PABIR2: variants seen among roughly 807,000 people sequenced by gnomAD.
The protein encoded by PABIR2 is family with sequence similarity 122B.
In PABIR2, 7 loss-of-function variants were observed where a neutral mutation model predicts 22.8. That is an observed-to-expected ratio of 0.31 (90% CI 0.17 to 0.58). PABIR2 has a LOEUF of 0.58. PABIR2 is among the 20% of genes least tolerant of loss of function. The probability of loss-of-function intolerance (pLI) is 0.89; values close to 1 mark genes in which losing one functional copy is unlikely to be tolerated. For synonymous variants in PABIR2, 67 were observed against 73.8 expected, an observed-to-expected ratio of 0.91 and a Z score of 0.47; for missense variants, 155 against 205.1, an observed-to-expected ratio of 0.76 and a Z score of 1.49.
Position 134,790,723 on chromosome X carries a change from G to A in PABIR2, c.178-1087C>T, listed in dbSNP as rs762834609. The stretch of plus-strand genomic sequence containing the variant: ...CCCAGCGAATTTTTACAACCATTAA[G>A]GGAGACTGGAGTATAAGATAAATGT... On this transcript the variant is annotated intron_variant, in intron 2 of 9. Coordinates refer to ENST00000343004, the MANE Select transcript of PABIR2 (RefSeq NM_001387468.1). Among the ~76,000 whole-genome samples, 3 of 111,662 alleles carry A rather than the reference G, an allele frequency of 2.7e-5. No individual in the cohort carries two copies. In the South Asian group the frequency reaches 1.1e-3, roughly 42 times the overall value.
intron 1 of PABIR2, among the ~76,000 whole-genome samples, 160 bp downstream of exon 1, chrX:134,795,948 C>A (rs1359242928): frequency 9.0e-6 from 1 of 111,613 alleles, no homozygotes; most frequent in Non-Finnish European, 1.9e-5. Context: ...AACTTTCACT[C>A]CACCTTGGGA....
intron 1 of PABIR2, chrX:134,794,095 A>G (rs2079629488): frequency 1.5e-6 from 1 of 679,500 alleles, no homozygotes; most frequent in African/African-American, 2.4e-5. Flanking sequence ...ATGGGTTTGC[A>G]GAGATACTGA....
intron 9 of PABIR2, 98 bp from the exon 10 acceptor site, chrX:134,772,381 A>G: frequency 1.2e-6 from 1 of 839,117 alleles, no homozygotes; most frequent in Non-Finnish European, 1.6e-6. Context: ...TCAGTAAATC[A>G]CTTGTAAATA....
At chrX:134,786,749 G>A (rs1390973052) in intron 7 of PABIR2, among the ~76,000 whole-genome samples, 2 of 110,749 alleles carry the variant, frequency 1.8e-5, no homozygotes, top group Non-Finnish European at 3.8e-5. Flanking sequence ...TCAAGAGATT[G>A]AGACCATCCT....
chrX:134,770,999 A>G lies in PABIR2; in HGVS notation c.*1140T>C. 1 of 221,592 alleles carries G rather than the reference A, an allele frequency of 4.5e-6. No individual in the cohort carries two copies. Among genetic ancestry groups the G allele is most frequent in the Non-Finnish European group, 8.1e-6 (1 of 122,896 alleles). 18.3% of individuals were successfully genotyped at this position (221,592 alleles called of 1,213,427 possible). A position where few individuals can be genotyped will look rare whatever the true frequency, so the allele number is the denominator to read the frequency against. Reference sequence around the variant, plus strand: ...GCAACACAATAACTATAAGGCAGTAAGAACAAGAACTGGATTCTGATTCTG... The same window carrying G: ...GCAACACAATAACTATAAGGCAGTAGGAACAAGAACTGGATTCTGATTCTG... On this transcript the variant is annotated 3_prime_UTR_variant, in exon 10 of 10. Transcript: ENST00000343004.
chrX:134,777,877 TTTGG>T (rs1168144858), intron 9 of PABIR2, among the ~76,000 whole-genome samples: 1 of 104,963 alleles, frequency 9.5e-6, no homozygotes, highest in East Asian at 3.0e-4. Flanking sequence ...TTTTTGTTTG[TTTGG>T]TTGGTTTTTT....
At chrX:134,773,807 T>C (rs764453781) in intron 9 of PABIR2, among the ~76,000 whole-genome samples, 3 of 111,865 alleles carry the variant, frequency 2.7e-5, no homozygotes, top group Admixed American at 9.5e-5. Flanking sequence ...AGTCGAAATG[T>C]TAGGAGTCTT....
At chrX:134,787,282 T>C (rs1417381589) in intron 7 of PABIR2, among the ~76,000 whole-genome samples, 190 bp downstream of exon 7, 1 of 109,323 alleles carries the variant, frequency 9.1e-6, no homozygotes, top group Non-Finnish European at 1.9e-5. Flanking sequence ...CTATTTTTAG[T>C]AGAGACGAGG....
At chrX:134,772,560 C>T (rs1179213576) in intron 9 of PABIR2, among the ~76,000 whole-genome samples, 1 of 111,186 alleles carries the variant, frequency 9.0e-6, no homozygotes, top group Non-Finnish European at 1.9e-5. Context: ...CCATGGTTTT[C>T]GGGAGGGAGT....
chrX:134,787,610 CTTTTTTTTTT>C, intron 6 of PABIR2, 77 bp from the exon 7 acceptor site: 2 of 294,082 alleles, frequency 6.8e-6, no homozygotes, highest in South Asian at 4.7e-5. Context: ...AGTTTTCTTT[CTTTTTTTTTT>C]TTTTTTTTTT....
At chrX:134,792,663 T>C (rs956375658) in intron 2 of PABIR2, among the ~76,000 whole-genome samples, 1 of 112,257 alleles carries the variant, frequency 8.9e-6, no homozygotes, top group Non-Finnish European at 1.9e-5. Context: ...GTTCTACCAC[T>C]TACTAATTGT....
At chrX:134,791,101 C>T (rs2079534613) in intron 2 of PABIR2, among the ~76,000 whole-genome samples, 1 of 110,753 alleles carries the variant, frequency 9.0e-6, no homozygotes, top group Non-Finnish European at 1.9e-5. Flanking sequence ...ACATAATATA[C>T]AACTTGACAA....
At chrX:134,790,029 G>C in intron 2 of PABIR2, among the ~76,000 whole-genome samples, 1 of 111,787 alleles carries the variant, frequency 8.9e-6, no homozygotes, top group Non-Finnish European at 1.9e-5. Context: ...TGCAGCAATG[G>C]GGGAAGACAG....
chrX:134,782,010 G>A (rs1289628496), intron 8 of PABIR2, 93 bp from the exon 9 acceptor site: 3 of 539,787 alleles, frequency 5.6e-6, no homozygotes, highest in African/African-American at 2.3e-5. Context: ...CCAAAGCTCA[G>A]AATACTTCTT....
chrX:134,788,701 T>C (rs1353366790), intron 6 of PABIR2, 29 bp downstream of exon 6: 1 of 1,151,994 alleles, frequency 8.7e-7, no homozygotes, highest in Non-Finnish European at 1.2e-6. Flanking sequence ...GTTTGTGAAA[T>C]ACACTTAATA....
At chrX:134,776,085 AGTGT>A (rs35944652) in intron 9 of PABIR2, among the ~76,000 whole-genome samples, 17 of 108,012 alleles carry the variant, frequency 1.6e-4, no homozygotes, top group South Asian at 3.9e-4. Flanking sequence ...ACATCTCTAA[AGTGT>A]GTGTGTGTGT....
intron 2 of PABIR2, 86 bp from the exon 3 acceptor site, chrX:134,789,722 G>A: frequency 1.2e-6 from 1 of 837,342 alleles, no homozygotes; most frequent in Non-Finnish European, 1.7e-6. Flanking sequence ...CTCTTCCTAG[G>A]TAAGTTTTCA....
In PABIR2 at chrX:134,789,106, T is replaced by C. The variant is rs138947407; in HGVS notation, c.312A>G (p.Ser104=). ...TTACCAGGCTCAAGCTCTCATCCCA[T>C]GATTGGCTTATCTGCATTGCCGTTT... The part of the protein sequence containing the change: ...EMQTAMQISQ[S]WDESLSLSDS... The change falls in exon 5 of 10, where the codon TCA becomes TCG. Residue 104 remains serine, a synonymous_variant. Coordinates refer to ENST00000343004, the MANE Select transcript of PABIR2 (RefSeq NM_001387468.1). The C allele has an allele frequency of 9.8e-4, 1,191 of 1,210,516 alleles. 3 individuals carry two copies. The highest frequency in any genetic ancestry group is 1.1e-3 in the Non-Finnish European group (1,023 of 895,374).
At chrX:134,793,918 C>A (rs751538527) in intron 1 of PABIR2, 25 bp from the exon 2 acceptor site, 3 of 1,183,156 alleles carry the variant, frequency 2.5e-6, no homozygotes, top group African/African-American at 3.6e-5. Context: ...AACAAACAAA[C>A]AAAAAAAACA....
Sources: gnomAD v4.1 joint callset for allele counts (sites outside exome capture counted in the v4.1 genomes callset) on GRCh38, gnomAD v4.1.1 for gene constraint, MANE v1.5 for transcripts, NCBI Gene and HGNC (gene_info 2026-07-23, HGNC 2026-07-21) for gene names.